The following VGLL4 variants were observed in gnomAD, a reference collection of about 807,000 sequenced individuals.
The protein encoded by VGLL4 is transcription cofactor vestigial-like protein 4.
Under a neutral mutation model 21.0 loss-of-function variants are expected in VGLL4, and 7 were observed. The ratio of observed to expected loss-of-function variants is 0.33; its 90% CI spans 0.19 to 0.63. The LOEUF is 0.63. VGLL4 is among the 20% of genes least tolerant of loss of function. VGLL4 has a pLI of 0.78. For missense variants in VGLL4, 394 were observed against 425.7 expected, an observed-to-expected ratio of 0.93 and a Z score of 0.66; for synonymous variants, 222 against 173.2, an observed-to-expected ratio of 1.28 and a Z score of -2.21.
At chr3:11,559,211 CT>C (rs1321412825) in intron 4 of VGLL4, 120 bp downstream of exon 4, 2 of 1,422,760 alleles carry the variant, frequency 1.4e-6, no homozygotes, top group East Asian at 2.5e-5. Flanking sequence ...TCAAGAAATA[CT>C]TTTTCAACCT....
rs927604505 is a variant in VGLL4, at chr3:11,565,995, A to T, written c.273-976T>A. 1.3e-5 allele frequency among the ~76,000 whole-genome samples: 2 copies of T among 152,152 alleles called. No individual in the cohort carries two copies. The highest frequency in any genetic ancestry group is 4.8e-5 in the African/African-American group (2 of 41,422). ...TCATGAGCTGGTCATTTAAAGAAAA[A>T]GGTGGTGAATTATGATTTGAGTGAA... On this transcript the variant is annotated intron_variant, in intron 2 of 4. Coordinates refer to ENST00000430365, the MANE Select transcript of VGLL4 (RefSeq NM_001128219.3). This position sits in a 1 kb window ranked among gnomAD's most constrained non-coding sequence, Gnocchi z 4.1.
At position 11,661,457 on chromosome 3, in the gene VGLL4, T is replaced by TTATTTATTTATTTATC. The variant is rs1553740492; in HGVS notation, c.64+41513_64+41514insGATAAATAAATAAATA. On this transcript the variant is annotated intron_variant, in intron 2 of 5. Coordinates refer to the VGLL4 transcript ENST00000273038. ...TCCTTTTATTTATTTATTTATTTAT[T>TTATTTATTTATTTATC]TATTTATCTATTTATTTATTTATTT... Among the ~76,000 whole-genome samples the TTATTTATTTATTTATC allele has an allele frequency of 2.6e-5, 4 of 151,310 alleles. No individual in the cohort carries two copies. The South Asian group carries it at 6.3e-4, about 24-fold the overall frequency.
At chr3:11,670,117 CAA>C (rs370254388) in intron 2 of VGLL4, among the ~76,000 whole-genome samples, 7 of 131,688 alleles carry the variant, frequency 5.3e-5, no homozygotes, top group African/African-American at 5.6e-5. Context: ...GTTTCTAAAA[CAA>C]AAAAAAAAAA....
At chr3:11,591,915 T>G (rs1461418418) in intron 2 of VGLL4, among the ~76,000 whole-genome samples, 1 of 152,256 alleles carries the variant, frequency 6.6e-6, no homozygotes, top group Non-Finnish European at 1.5e-5. Flanking sequence ...AAAATCCCGA[T>G]GTAACAACAA....
chr3:11,705,878 G>A (rs1013753515), intron 1 of VGLL4, among the ~76,000 whole-genome samples: 23 of 150,232 alleles, frequency 1.5e-4, no homozygotes, highest in African/African-American at 4.7e-4. Context: ...CTGAGATCGC[G>A]CCACTGCACT....
chr3:11,706,999 T>C (rs996150984), intron 1 of VGLL4, among the ~76,000 whole-genome samples: 1 of 152,066 alleles, frequency 6.6e-6, no homozygotes, highest in African/African-American at 2.4e-5. Flanking sequence ...GCCCGTGACA[T>C]GATGTTCACA....
intron 2 of VGLL4, among the ~76,000 whole-genome samples, chr3:11,680,456 GCAT>G (rs2076352836): frequency 6.6e-6 from 1 of 152,098 alleles, no homozygotes; most frequent in South Asian, 2.1e-4. Context: ...GTCAAAAGCC[GCAT>G]CATCCTTGGC....
At chr3:11,573,243 T>G (rs62248284) in intron 2 of VGLL4, among the ~76,000 whole-genome samples, 13,381 of 42,788 alleles carry the variant, frequency 0.31, 1,938 homozygotes, top group African/African-American at 0.55. Flanking sequence ...AGAAAAGAAA[T>G]AGAGAAAGAA....
chr3:11,712,640 G>A (rs1292622963), intron 1 of VGLL4, among the ~76,000 whole-genome samples: 1 of 152,124 alleles, frequency 6.6e-6, no homozygotes, highest in Non-Finnish European at 1.5e-5. Context: ...TAGAATTCAA[G>A]TCTCTCAATT....
intron 3 of VGLL4, among the ~76,000 whole-genome samples, chr3:11,562,090 G>T (rs1043298029): frequency 6.6e-6 from 1 of 151,842 alleles, no homozygotes. Context: ...TAAAAACAGG[G>T]TTTCACCATG....
chr3:11,559,214 T>C, intron 4 of VGLL4, 118 bp downstream of exon 4: 1 of 1,424,180 alleles, frequency 7.0e-7, no homozygotes, highest in Non-Finnish European at 9.2e-7. Flanking sequence ...AGAAATACTT[T>C]TTCAACCTCA....
intron 1 of VGLL4, among the ~76,000 whole-genome samples, chr3:11,608,331 T>C (rs533436941): frequency 3.0e-4 from 46 of 152,312 alleles, no homozygotes; most frequent in African/African-American, 1.0e-3. Flanking sequence ...GTTAGAAAAA[T>C]GCCTAGATAA....
At chr3:11,597,918 A>G (rs2074686945) in intron 2 of VGLL4, among the ~76,000 whole-genome samples, 1 of 152,206 alleles carries the variant, frequency 6.6e-6, no homozygotes, top group Non-Finnish European at 1.5e-5. Flanking sequence ...GGCTGGAATA[A>G]AATCCCAGGA....
At chr3:11,598,401 C>T (rs769234734) in intron 2 of VGLL4, among the ~76,000 whole-genome samples, 15 of 152,152 alleles carry the variant, frequency 9.9e-5, no homozygotes, top group Non-Finnish European at 1.8e-4. Flanking sequence ...CCATATGATG[C>T]TTATAATAAA....
chr3:11,576,649 A>T (rs2074056990), intron 2 of VGLL4, among the ~76,000 whole-genome samples: 1 of 152,148 alleles, frequency 6.6e-6, no homozygotes, highest in African/African-American at 2.4e-5. Flanking sequence ...GGTGAAGAAA[A>T]GGCATTTGAC....
rs368222092 is a variant in VGLL4 at position 11,568,442 on chromosome 3, G to T, written c.273-3423C>A. 6.6e-6 allele frequency among the ~76,000 whole-genome samples: 1 copy of T among 152,202 alleles called. No homozygotes were observed. Among genetic ancestry groups the T allele is most frequent in the Non-Finnish European group, 1.5e-5 (1 of 68,036 alleles). ...CAGCCCCACTGTGCGCCCACCCTAC[G>T]CAGGGCAGCAGGGAGAAGGGGACTT... is the stretch of plus-strand genomic sequence containing the variant. On this transcript the variant is annotated intron_variant, in intron 2 of 4. Coordinates refer to ENST00000430365, the MANE Select transcript of VGLL4 (RefSeq NM_001128219.3). This position sits in a 1 kb window ranked among gnomAD's most constrained non-coding sequence, Gnocchi z 5.9.
intron 2 of VGLL4, among the ~76,000 whole-genome samples, chr3:11,572,066 C>G (rs2073797724): frequency 6.6e-6 from 1 of 152,120 alleles, no homozygotes; most frequent in South Asian, 2.1e-4. Flanking sequence ...GAGATCTGCA[C>G]CACTGTATTC....
intron 2 of VGLL4, among the ~76,000 whole-genome samples, chr3:11,583,957 G>A (rs2074302916): frequency 6.6e-6 from 1 of 152,206 alleles, no homozygotes; most frequent in Admixed American, 6.5e-5. Flanking sequence ...GCAGACATGT[G>A]TATTAAACAC....
At chr3:11,669,750 G>T (rs1305726281) in intron 2 of VGLL4, among the ~76,000 whole-genome samples, 1 of 152,000 alleles carries the variant, frequency 6.6e-6, no homozygotes, top group Non-Finnish European at 1.5e-5. Flanking sequence ...TGTGATCACA[G>T]CTCATTATAG....
Sources: allele counts gnomAD v4.1 joint callset (sites outside exome capture counted in the v4.1 genomes callset), GRCh38; gene constraint gnomAD v4.1.1; non-coding constraint Gnocchi (gnomAD v3.1); transcripts MANE v1.5; gene names NCBI Gene and HGNC (gene_info 2026-07-23, HGNC 2026-07-21).